AMMECR1: variants seen among roughly 807,000 people sequenced by gnomAD.
AMMECR1 encodes the protein nuclear protein AMMECR1.
In AMMECR1, 3 loss-of-function variants were observed where a neutral mutation model predicts 22.5. The observed-to-expected ratio is 0.13, with a 90% CI of 0.06 to 0.35. The LOEUF is 0.35. Ranked by LOEUF, AMMECR1 falls within the 10% of genes least tolerant of loss-of-function variation. The pLI is 1.00. For missense variants in AMMECR1, 235 were observed against 278.7 expected (o/e 0.84, Z 1.12); for synonymous variants, 130 against 116.7 (o/e 1.11, Z -0.74).
intron 2 of AMMECR1, among the ~76,000 whole-genome samples, chrX:110,257,505 T>C (rs2067716967): frequency 8.9e-6 from 1 of 111,847 alleles, no homozygotes; most frequent in African/African-American, 3.2e-5. Context: ...AAAATATGTA[T>C]TACAAATTTC....
At chrX:110,291,727 T>C (rs905255179) in intron 1 of AMMECR1, among the ~76,000 whole-genome samples, 6 of 111,859 alleles carry the variant, frequency 5.4e-5, no homozygotes, top group African/African-American at 1.9e-4. Flanking sequence ...TTCAAAGAGA[T>C]ATATATGCAG....
chrX:110,356,150 C>CTTT (rs1288370078), intron 2 of AMMECR1, among the ~76,000 whole-genome samples: 2 of 88,158 alleles, frequency 2.3e-5, no homozygotes, highest in Non-Finnish European at 4.5e-5. Context: ...GAGGCATAAC[C>CTTT]TTTTTTTTTT....
At chrX:110,411,607 T>G (rs1234839999) in intron 2 of AMMECR1, among the ~76,000 whole-genome samples, 3 of 112,100 alleles carry the variant, frequency 2.7e-5, no homozygotes, top group Non-Finnish European at 3.8e-5. Context: ...GATTTGACTA[T>G]GCAAAAATTT....
At chrX:110,406,203 A>C in intron 2 of AMMECR1, among the ~76,000 whole-genome samples, 1 of 108,732 alleles carries the variant, frequency 9.2e-6, no homozygotes, top group Non-Finnish European at 1.9e-5. Flanking sequence ...GGTTTGCTGC[A>C]CCCATCTACC....
At chrX:110,259,685 G>A (rs1181134755) in intron 2 of AMMECR1, among the ~76,000 whole-genome samples, 2 of 107,473 alleles carry the variant, frequency 1.9e-5, no homozygotes, top group East Asian at 2.9e-4. Context: ...TCTGCCTCCC[G>A]GGTTCATGCC....
intron 2 of AMMECR1, among the ~76,000 whole-genome samples, chrX:110,370,200 A>C (rs937295487): frequency 9.0e-6 from 1 of 111,177 alleles, no homozygotes; most frequent in Non-Finnish European, 1.9e-5. Context: ...TAAAATTTTT[A>C]AATTTTTATT....
chrX:110,432,573 T>A (rs1442785503), intron 1 of AMMECR1, among the ~76,000 whole-genome samples: 1 of 112,000 alleles, frequency 8.9e-6, no homozygotes, highest in Admixed American at 9.4e-5. Context: ...CTCATTGCTA[T>A]CACTCTATTT....
In AMMECR1 at chrX:110,195,502, T is replaced by C. The variant is rs1203695841; in HGVS notation, c.*3018A>G. ...TACGTACTATTTCCAAGAGGAAAAATACCCAGTTGCATCTGAAAATGGAAA... is the reference window on the plus strand; with the variant it reads ...TACGTACTATTTCCAAGAGGAAAAACACCCAGTTGCATCTGAAAATGGAAA... On this transcript the variant is annotated 3_prime_UTR_variant, in exon 6 of 6. Transcript: ENST00000262844. The C allele has an allele frequency of 8.9e-6, 1 of 112,045 alleles. No individual in the cohort carries two copies. The highest frequency in any genetic ancestry group is 3.2e-5 in the African/African-American group (1 of 30,846). The allele number at this position is 112,045 out of a possible 1,213,427, so 9.2% of individuals were successfully genotyped here. A position where few individuals can be genotyped will look rare whatever the true frequency, so the allele number is the denominator to read the frequency against.
chrX:110,269,344 T>C (rs1172163820), intron 1 of AMMECR1, among the ~76,000 whole-genome samples: 2 of 111,912 alleles, frequency 1.8e-5, no homozygotes, highest in Non-Finnish European at 3.8e-5. Context: ...TCTCCTGCCA[T>C]ATCAAGGCAA....
intron 1 of AMMECR1, among the ~76,000 whole-genome samples, chrX:110,273,521 AT>A (rs1265552446): frequency 8.9e-6 from 1 of 111,808 alleles, no homozygotes; most frequent in Non-Finnish European, 1.9e-5. Flanking sequence ...TTTTTGTTGC[AT>A]TTGCTTTTAG....
chrX:110,378,008 C>CAAAAAAA (rs755483656), intron 2 of AMMECR1, among the ~76,000 whole-genome samples: 30 of 30,941 alleles, frequency 9.7e-4, no homozygotes, highest in African/African-American at 2.3e-3. Flanking sequence ...GACTCCGTCT[C>CAAAAAAA]AAAAAAAAAA....
At chrX:110,404,130 G>A (rs2068582469) in intron 2 of AMMECR1, among the ~76,000 whole-genome samples, 1 of 112,479 alleles carries the variant, frequency 8.9e-6, no homozygotes, top group African/African-American at 3.2e-5. Flanking sequence ...GCTACCATTC[G>A]TTTATTCTGT....
intron 2 of AMMECR1, among the ~76,000 whole-genome samples, chrX:110,406,579 G>A (rs1158434344): frequency 8.9e-6 from 1 of 112,063 alleles, no homozygotes; most frequent in Non-Finnish European, 1.9e-5. Context: ...GTGGGCATGT[G>A]TCTTTATAGC....
At chrX:110,430,972 G>A (rs984667894) in intron 1 of AMMECR1, among the ~76,000 whole-genome samples, 59 of 111,915 alleles carry the variant, frequency 5.3e-4, no homozygotes, top group Non-Finnish European at 3.8e-4. Flanking sequence ...ATGATACTCA[G>A]GACTCCCTGA....
chrX:110,214,904 G>A (rs951035114), intron 3 of AMMECR1, among the ~76,000 whole-genome samples: 6 of 111,149 alleles, frequency 5.4e-5, no homozygotes, highest in Admixed American at 3.8e-4. Context: ...ATCTGGCTGC[G>A]GAAGAGGAAA....
intron 1 of AMMECR1, among the ~76,000 whole-genome samples, chrX:110,308,413 C>T (rs2068008554): frequency 9.0e-6 from 1 of 111,654 alleles, no homozygotes; most frequent in Non-Finnish European, 1.9e-5. Context: ...TTTCTCCACA[C>T]AGCCAATGCC....
intron 2 of AMMECR1, among the ~76,000 whole-genome samples, chrX:110,407,553 T>G (rs957251786): frequency 8.9e-6 from 1 of 112,600 alleles, no homozygotes; most frequent in Non-Finnish European, 1.9e-5. Flanking sequence ...GTTGCCATTT[T>G]TCCAGGTGAG....
At chrX:110,359,879 C>G (rs971952848) in intron 2 of AMMECR1, among the ~76,000 whole-genome samples, 4 of 112,029 alleles carry the variant, frequency 3.6e-5, no homozygotes, top group African/African-American at 1.3e-4. Context: ...AAAGGTGAGA[C>G]TTGAACTTGG....
At chrX:110,415,233 G>T (rs748867763) in intron 2 of AMMECR1, among the ~76,000 whole-genome samples, 3 of 112,316 alleles carry the variant, frequency 2.7e-5, no homozygotes, top group Non-Finnish European at 3.8e-5. Flanking sequence ...GAGTGAATGA[G>T]AGAAGAAAAA....
Sources: allele counts gnomAD v4.1 joint callset (sites outside exome capture counted in the v4.1 genomes callset), GRCh38; gene constraint gnomAD v4.1.1; transcripts MANE v1.5; gene names NCBI Gene and HGNC (gene_info 2026-07-23, HGNC 2026-07-21).